The following KLHL18 variants were observed in gnomAD, a reference collection of about 807,000 sequenced individuals.
The protein encoded by KLHL18 is kelch like family member 18.
A neutral mutation model predicts 58.5 loss-of-function variants in KLHL18; 38 were observed. The observed-to-expected ratio is 0.65, with a 90% CI of 0.50 to 0.85. The LOEUF (loss-of-function observed/expected upper bound fraction) is 0.85, where lower values mean the gene tolerates loss of function less well. KLHL18 is among the 40% of genes least tolerant of loss of function. KLHL18 has a pLI of 0.00. For synonymous variants in KLHL18, 303 were observed against 301.9 expected (o/e 1.00, Z -0.04); for missense variants, 624 against 778.4 (o/e 0.80, Z 2.36).
intron 3 of KLHL18, among the ~76,000 whole-genome samples, chr3:47,323,987 G>T (rs939933074): frequency 6.6e-6 from 1 of 152,196 alleles, no homozygotes; most frequent in Admixed American, 6.5e-5. Context: ...TCAAATAACC[G>T]TGGTAATGAT....
intron 3 of KLHL18, among the ~76,000 whole-genome samples, chr3:47,326,549 C>T (rs988431148): frequency 6.6e-6 from 1 of 152,120 alleles, no homozygotes; most frequent in Non-Finnish European, 1.5e-5. Flanking sequence ...CCTTCCTTTT[C>T]CCCCACTAAT....
At chr3:47,337,064 C>G (rs1178188626) in intron 7 of KLHL18, 1 of 296,224 alleles carries the variant, frequency 3.4e-6, no homozygotes, top group African/African-American at 2.1e-5. Flanking sequence ...GGGAGAGAAA[C>G]TGGACTGGAA....
rs1482031667 is a variant in KLHL18 at position 47,342,712 on chromosome 3, C to G, written c.1227-7C>G. The G allele has an allele frequency of 1.2e-6, 2 of 1,612,640 alleles. No homozygotes were observed. The highest frequency in any genetic ancestry group is 1.7e-5 in the Admixed American group (1 of 59,968). On this transcript the variant is annotated splice_polypyrimidine_tract_variant and splice_region_variant and intron_variant, in intron 8 of 9. Coordinates refer to ENST00000232766, the MANE Select transcript of KLHL18 (RefSeq NM_025010.5). ...GCTTCCCCTCCTATTTTGACTCTTT[C>G]CTGAAGATGGACAGTGGTGACCTCG...
At chr3:47,319,213 C>G (rs1703526402) in intron 1 of KLHL18, among the ~76,000 whole-genome samples, 1 of 152,180 alleles carries the variant, frequency 6.6e-6, no homozygotes, top group African/African-American at 2.4e-5. Context: ...CATATTTACT[C>G]TTCTTGAGGA....
intron 1 of KLHL18, among the ~76,000 whole-genome samples, chr3:47,298,120 C>G (rs879454460): frequency 2.6e-5 from 4 of 151,990 alleles, no homozygotes; most frequent in African/African-American, 7.3e-5. Flanking sequence ...CGGCTCACAC[C>G]TATAATCCCA....
chr3:47,325,873 A>G (rs1439448915), intron 3 of KLHL18, among the ~76,000 whole-genome samples: 3 of 151,264 alleles, frequency 2.0e-5, no homozygotes, highest in Non-Finnish European at 4.4e-5. Flanking sequence ...GAGCTCAAGC[A>G]TTCTCCTGCC....
rs527476247 is a variant in KLHL18 at position 47,315,296 on chromosome 3, C to G, written c.130-4357C>G. Among the ~76,000 whole-genome samples the G allele has an allele frequency of 3.9e-5, 6 of 152,238 alleles. No homozygotes were observed. The East Asian group carries it at 9.6e-4, about 24-fold the overall frequency. On this transcript the variant is annotated intron_variant, in intron 1 of 9. Transcript: ENST00000232766. ...GAAAACAGGAAGATTACTTGGAAGT[C>G]TGTATGAAAGGCAATTAGATGCCTG...
intron 1 of KLHL18, among the ~76,000 whole-genome samples, chr3:47,296,393 A>G (rs533995783): frequency 2.8e-4 from 43 of 152,346 alleles, no homozygotes; most frequent in African/African-American, 1.0e-3. Flanking sequence ...CAGTCAACAT[A>G]CTATATAAGT....
At chr3:47,321,326 T>A (rs1294897428) in intron 2 of KLHL18, among the ~76,000 whole-genome samples, 1 of 151,268 alleles carries the variant, frequency 6.6e-6, no homozygotes, top group South Asian at 2.1e-4. Flanking sequence ...ACCTGCCGTT[T>A]TTTTTTTTTG....
At chr3:47,291,335 T>C (rs888588775) in intron 1 of KLHL18, among the ~76,000 whole-genome samples, 4 of 152,358 alleles carry the variant, frequency 2.6e-5, no homozygotes, top group Middle Eastern at 3.4e-3. Flanking sequence ...ACCAGCCAGC[T>C]GGCCTGTGGT....
At chr3:47,324,838 C>G (rs1703678151) in intron 3 of KLHL18, among the ~76,000 whole-genome samples, 1 of 152,080 alleles carries the variant, frequency 6.6e-6, no homozygotes, top group African/African-American at 2.4e-5. Flanking sequence ...TCTCTAAAAA[C>G]TAAAAAGAAA....
intron 1 of KLHL18, among the ~76,000 whole-genome samples, chr3:47,307,345 T>G (rs1453990320): frequency 1.3e-5 from 2 of 152,210 alleles, no homozygotes; most frequent in East Asian, 3.8e-4. Flanking sequence ...AGTGCTCGGA[T>G]TACAGGCGTG....
intron 1 of KLHL18, among the ~76,000 whole-genome samples, chr3:47,295,356 T>C (rs1269293566): frequency 6.6e-6 from 1 of 152,190 alleles, no homozygotes; most frequent in Non-Finnish European, 1.5e-5. Flanking sequence ...TCTACCCTGC[T>C]TTCCCACAGT....
At chr3:47,303,714 C>T (rs760974433) in intron 1 of KLHL18, among the ~76,000 whole-genome samples, 21 of 152,110 alleles carry the variant, frequency 1.4e-4, no homozygotes, top group Non-Finnish European at 2.4e-4. Flanking sequence ...GCCACTGTGC[C>T]TGACCAGAAT....
At chr3:47,286,463 G>A (rs756194157) in intron 1 of KLHL18, among the ~76,000 whole-genome samples, 89 of 152,212 alleles carry the variant, frequency 5.8e-4, no homozygotes, top group Non-Finnish European at 1.0e-3. Flanking sequence ...CTGGTTGGAA[G>A]CTTTTGGGTG....
chr3:47,319,395 A>AT (rs1463914933), intron 1 of KLHL18, among the ~76,000 whole-genome samples: 1 of 152,140 alleles, frequency 6.6e-6, no homozygotes, highest in Non-Finnish European at 1.5e-5. Flanking sequence ...TCAGGCTTAA[A>AT]TTTTTTAGCT....
At chr3:47,336,405 G>C (rs1037714699) in intron 6 of KLHL18, 130 bp from the exon 7 acceptor site, 2 of 789,786 alleles carry the variant, frequency 2.5e-6, no homozygotes, top group Non-Finnish European at 4.1e-6. Flanking sequence ...GTGGGCCCTT[G>C]TGCCTTGAGT....
intron 6 of KLHL18, among the ~76,000 whole-genome samples, chr3:47,335,376 C>T (rs1173258602): frequency 6.6e-6 from 1 of 152,230 alleles, no homozygotes; most frequent in Non-Finnish European, 1.5e-5. Flanking sequence ...CTGTGAAACA[C>T]ACACATGCTT....
intron 3 of KLHL18, among the ~76,000 whole-genome samples, chr3:47,328,246 G>A (rs1259620753): frequency 2.0e-5 from 3 of 149,130 alleles, no homozygotes; most frequent in Non-Finnish European, 3.0e-5. Context: ...TAGGTGTGTG[G>A]TTTCAGCTAC....
Sources: allele counts gnomAD v4.1 joint callset (sites outside exome capture counted in the v4.1 genomes callset), GRCh38; gene constraint gnomAD v4.1.1; transcripts MANE v1.5; gene names NCBI Gene and HGNC (gene_info 2026-07-23, HGNC 2026-07-21).